Variants in SNX7 observed in about 807,000 individuals in gnomAD.
SNX7 encodes sorting nexin 7.
In SNX7, 35 loss-of-function variants were observed where a neutral mutation model predicts 48.4. The ratio of observed to expected loss-of-function variants is 0.72; its 90% CI spans 0.55 to 0.96. The LOEUF (loss-of-function observed/expected upper bound fraction) is 0.96. Ranked by LOEUF, SNX7 falls within the 40% of genes least tolerant of loss-of-function variation. The pLI is 0.00. For missense variants in SNX7, 553 were observed against 548.9 expected (o/e 1.01, Z -0.07); for synonymous variants, 190 against 190.2 (o/e 1.00, Z 0.01).
intron 1 of SNX7, among the ~76,000 whole-genome samples, chr1:98,664,797 A>G (rs1405149375): frequency 1.3e-5 from 2 of 152,232 alleles, no homozygotes; most frequent in Non-Finnish European, 2.9e-5. Flanking sequence ...AAGAGAATGC[A>G]GAGGACATTG....
At chr1:98,691,824 C>A in intron 4 of SNX7, 125 bp downstream of exon 4, 1 of 719,850 alleles carries the variant, frequency 1.4e-6, no homozygotes, top group Non-Finnish European at 2.1e-6. Context: ...TGGAATTTTT[C>A]AGAAACACTG....
At chr1:98,721,647 TAG>T (rs1652879971) in intron 7 of SNX7, among the ~76,000 whole-genome samples, 1 of 152,112 alleles carries the variant, frequency 6.6e-6, no homozygotes, top group Admixed American at 6.6e-5. Context: ...AGATATTGTT[TAG>T]TTAAGTAGTG....
chr1:98,735,780 A>G (rs916578183), intron 7 of SNX7, among the ~76,000 whole-genome samples: 6 of 152,168 alleles, frequency 3.9e-5, no homozygotes, highest in Non-Finnish European at 7.3e-5. Flanking sequence ...ACAGATAAAA[A>G]TACTAGGGCT....
intron 1 of SNX7, 49 bp from the exon 2 acceptor site, chr1:98,684,836 G>A (rs1650697771): frequency 7.9e-7 from 1 of 1,263,858 alleles, no homozygotes; most frequent in African/African-American, 1.5e-5. Flanking sequence ...AGAAATAGAA[G>A]AGTTTAATTT....
intron 7 of SNX7, among the ~76,000 whole-genome samples, chr1:98,713,699 A>T (rs116541269): frequency 0.028 from 4,210 of 152,298 alleles, 91 homozygotes; most frequent in Middle Eastern, 0.045. Flanking sequence ...TTAATTGGTC[A>T]TATTTCAATA....
At chr1:98,670,079 A>G (rs1649768861) in intron 1 of SNX7, among the ~76,000 whole-genome samples, 1 of 152,206 alleles carries the variant, frequency 6.6e-6, no homozygotes, top group Non-Finnish European at 1.5e-5. Flanking sequence ...TTTGTATCAT[A>G]CTGGTCTTTC....
In SNX7 at chr1:98,718,090, C is replaced by T. The variant is rs180917214; in HGVS notation, c.1125+16187C>T. ...GATGGTAAGAGAAGTGCCAGATGTG[C>T]GAATTACTTATTGCACATAGAAGTG... On this transcript the variant is annotated intron_variant, in intron 7 of 8. Transcript: ENST00000306121. 4.7e-4 allele frequency among the ~76,000 whole-genome samples: 71 copies of T among 152,130 alleles called. 2 individuals are homozygous for T. Among genetic ancestry groups the T allele is most frequent in the Admixed American group, 3.8e-3 (58 of 15,246 alleles).
intron 8 of SNX7, among the ~76,000 whole-genome samples, chr1:98,744,005 A>G (rs1195880921): frequency 2.0e-5 from 3 of 152,034 alleles, no homozygotes; most frequent in Non-Finnish European, 4.4e-5. Context: ...TGAAAATCAG[A>G]AAAAGTATTG....
intron 7 of SNX7, among the ~76,000 whole-genome samples, chr1:98,723,353 T>C (rs1292816741): frequency 6.6e-6 from 1 of 152,078 alleles, no homozygotes; most frequent in Non-Finnish European, 1.5e-5. Flanking sequence ...TAAACGGTTT[T>C]TTTTCCCCAA....
intron 7 of SNX7, among the ~76,000 whole-genome samples, chr1:98,730,454 G>A (rs1354024884): frequency 1.3e-5 from 2 of 151,984 alleles, no homozygotes; most frequent in Non-Finnish European, 2.9e-5. Flanking sequence ...AGGAAGAGAG[G>A]AAATCAAGCT....
chr1:98,713,562 C>T (rs1652432606), intron 7 of SNX7, among the ~76,000 whole-genome samples: 2 of 152,150 alleles, frequency 1.3e-5, no homozygotes, highest in South Asian at 4.1e-4. Flanking sequence ...AGAGGCCTAG[C>T]TTGCAGCCAG....
At chr1:98,700,649 G>A (rs1651697200) in intron 6 of SNX7, among the ~76,000 whole-genome samples, 1 of 151,848 alleles carries the variant, frequency 6.6e-6, no homozygotes, top group Admixed American at 6.6e-5. Flanking sequence ...GGCTCAAGTG[G>A]TCCTCCCACC....
intron 8 of SNX7, among the ~76,000 whole-genome samples, chr1:98,745,480 A>G (rs988760033): frequency 6.6e-6 from 1 of 152,032 alleles, no homozygotes; most frequent in African/African-American, 2.4e-5. Flanking sequence ...AGACGCCCTG[A>G]TGGTGCTAAA....
At chr1:98,726,916 A>G (rs770277640) in intron 7 of SNX7, among the ~76,000 whole-genome samples, 20 of 152,164 alleles carry the variant, frequency 1.3e-4, no homozygotes, top group Non-Finnish European at 2.2e-4. Flanking sequence ...GCACTTAAAA[A>G]TAAAGTTTTT....
At chr1:98,678,983 G>C (rs1650326865) in intron 1 of SNX7, among the ~76,000 whole-genome samples, 1 of 152,158 alleles carries the variant, frequency 6.6e-6, no homozygotes, top group Non-Finnish European at 1.5e-5. Context: ...CTGGCACAGT[G>C]GCTCACACCT....
intron 5 of SNX7, among the ~76,000 whole-genome samples, chr1:98,696,896 TAA>T (rs1218496684): frequency 6.6e-6 from 1 of 151,980 alleles, no homozygotes; most frequent in African/African-American, 2.4e-5. Flanking sequence ...TATCAAAGAG[TAA>T]TTAAGATGGT....
At chr1:98,689,684 C>T (rs965284726) in intron 2 of SNX7, among the ~76,000 whole-genome samples, 9 of 151,854 alleles carry the variant, frequency 5.9e-5, no homozygotes, top group Non-Finnish European at 8.8e-5. Context: ...CGTATGTACC[C>T]GGTACAAGGA....
chr1:98,753,377 C>G (rs111638646), intron 8 of SNX7, among the ~76,000 whole-genome samples: 233 of 152,156 alleles, frequency 1.5e-3, no homozygotes, highest in Middle Eastern at 3.4e-3. Flanking sequence ...TAATTCACAT[C>G]ACTAATTAGC....
At chr1:98,681,468 T>C (rs1650487306) in intron 1 of SNX7, among the ~76,000 whole-genome samples, 1 of 152,186 alleles carries the variant, frequency 6.6e-6, no homozygotes, top group African/African-American at 2.4e-5. Flanking sequence ...GAAAATGTAA[T>C]CATAATTCAC....
Sources: allele counts gnomAD v4.1 joint callset (sites outside exome capture counted in the v4.1 genomes callset), GRCh38; gene constraint gnomAD v4.1.1; transcripts MANE v1.5; gene names NCBI Gene and HGNC (gene_info 2026-07-23, HGNC 2026-07-21).